AOPEP: variants seen among roughly 807,000 people sequenced by gnomAD.
The protein encoded by AOPEP is aminopeptidase O (putative).
AOPEP carries 77 observed loss-of-function variants against 98.1 expected under a neutral mutation model. The ratio of observed to expected loss-of-function variants is 0.78; its 90% confidence interval spans 0.65 to 0.95. The LOEUF is 0.95. AOPEP is among the 40% of genes least tolerant of loss of function. AOPEP has a pLI of 0.00. For synonymous variants in AOPEP, 346 were observed against 365.3 expected (o/e 0.95, Z 0.60); for missense variants, 1,024 against 1,024.7 (o/e 1.00, Z 0.01).
intron 13 of AOPEP, 56 bp downstream of exon 13, chr9:95,005,672 C>T (rs1589237612): frequency 2.9e-6 from 4 of 1,381,318 alleles, no homozygotes; most frequent in East Asian, 2.3e-5. Flanking sequence ...GCTTCTGCCC[C>T]GTGAGGACCT....
At chr9:95,111,706 CT>C in the AOPEP span, 1 of 1,590,828 alleles carries the variant, frequency 6.3e-7, no homozygotes, top group Non-Finnish European at 8.6e-7. Flanking sequence ...TTTAAAGCAA[CT>C]TTAACGTTTG....
In AOPEP at chr9:94,733,015, A is replaced by G. The variant is rs933924556; in HGVS notation, c.-136+6264A>G. 2.0e-5 allele frequency among the ~76,000 whole-genome samples: 3 copies of G among 152,080 alleles called. 1 individual carries two copies. Among genetic ancestry groups the G allele is most frequent in the Admixed American group, 1.3e-4 (2 of 15,258 alleles). On this transcript the variant is annotated intron_variant, in intron 1 of 16. Transcript: ENST00000375315. ...AACAAATTTTTTTTTGTTTTGGAAC[A>G]TGGCATAACATCTTTTCTAATAAGA...
chr9:94,857,153 A>G (rs2044321813), intron 5 of AOPEP, among the ~76,000 whole-genome samples: 1 of 152,322 alleles, frequency 6.6e-6, no homozygotes, highest in African/African-American at 2.4e-5. Context: ...TTACATGGAA[A>G]TATCCTCACC....
chr9:95,149,810 G>A, the AOPEP span: 2 of 1,181,602 alleles, frequency 1.7e-6, no homozygotes, highest in Admixed American at 2.0e-5. Context: ...GAGTATAAAG[G>A]GTACTGAGAC....
the AOPEP span, among the ~76,000 whole-genome samples, chr9:95,092,682 G>T: frequency 6.6e-6 from 1 of 152,178 alleles, no homozygotes; most frequent in Non-Finnish European, 1.5e-5. Flanking sequence ...GGTGTGGGTG[G>T]GGTGCTGAAG....
chr9:95,050,650 G>T (rs1485992826), intron 13 of AOPEP, among the ~76,000 whole-genome samples: 2 of 152,186 alleles, frequency 1.3e-5, no homozygotes, highest in African/African-American at 4.8e-5. Flanking sequence ...CTTAGTTGTG[G>T]TCGGCTCTCC....
chr9:95,150,215 T>C, the AOPEP span: 3 of 833,106 alleles, frequency 3.6e-6, no homozygotes, highest in South Asian at 4.6e-5. Context: ...AGAGAATGAC[T>C]CTAACACCAT....
chr9:95,037,944 C>T (rs1248502800), intron 13 of AOPEP, among the ~76,000 whole-genome samples: 3 of 152,096 alleles, frequency 2.0e-5, no homozygotes, highest in Non-Finnish European at 2.9e-5. Context: ...ACCTCAGGCA[C>T]GTATGAGATG....
At chr9:94,839,469 C>T (rs2042036742) in intron 5 of AOPEP, among the ~76,000 whole-genome samples, 1 of 152,064 alleles carries the variant, frequency 6.6e-6, no homozygotes, top group Non-Finnish European at 1.5e-5. Context: ...ATGATCTGCC[C>T]ATCTCAGCCT....
chr9:94,983,069 C>T (rs2060294166), intron 11 of AOPEP, among the ~76,000 whole-genome samples: 1 of 152,008 alleles, frequency 6.6e-6, no homozygotes, highest in Admixed American at 6.6e-5. Context: ...GCTTTGTCAC[C>T]CAGGCTGGAG....
the AOPEP span, among the ~76,000 whole-genome samples, chr9:95,136,580 A>T: frequency 2.6e-5 from 4 of 152,008 alleles, no homozygotes; most frequent in Non-Finnish European, 5.9e-5. Context: ...TCAAACTCCT[A>T]GGCTCATGTG....
intron 1 of AOPEP, among the ~76,000 whole-genome samples, chr9:94,736,502 A>G (rs12344537): frequency 0.22 from 33,123 of 152,020 alleles, 5,090 homozygotes; most frequent in African/African-American, 0.43. Context: ...ACCGAACCCT[A>G]TAACCCAACT....
chr9:94,848,916 A>G (rs2043190797), intron 5 of AOPEP, among the ~76,000 whole-genome samples: 1 of 152,148 alleles, frequency 6.6e-6, no homozygotes. Flanking sequence ...AGCTGGGATT[A>G]CAGGCATGCA....
intron 5 of AOPEP, among the ~76,000 whole-genome samples, chr9:94,895,219 T>TAATAAAAAAA (rs1204411552): frequency 3.1e-4 from 19 of 60,670 alleles, no homozygotes; most frequent in South Asian, 2.8e-3. Flanking sequence ...TCATCTCTAC[T>TAATAAAAAAA]AAAAAAAAAT....
At chr9:95,101,237 A>AAGAC in the AOPEP span, 1 of 282,580 alleles carries the variant, frequency 3.5e-6, no homozygotes, top group African/African-American at 2.1e-5. Flanking sequence ...TCCATACAGC[A>AAGAC]AGACAGTGTG....
chr9:95,042,537 A>G (rs1361875395), intron 13 of AOPEP, among the ~76,000 whole-genome samples: 7 of 152,178 alleles, frequency 4.6e-5, no homozygotes, highest in Admixed American at 4.6e-4. Flanking sequence ...GGAGGTCAGA[A>G]GTCCAACATC....
At chr9:95,005,430 A>G in intron 12 of AOPEP, 112 bp from the exon 13 acceptor site, 1 of 1,129,492 alleles carries the variant, frequency 8.9e-7, no homozygotes, top group Non-Finnish European at 1.3e-6. Context: ...TGGCCTCCCG[A>G]GGTGCGGGGA....
At chr9:95,102,887 C>A in the AOPEP span, among the ~76,000 whole-genome samples, 1 of 152,230 alleles carries the variant, frequency 6.6e-6, no homozygotes, top group Admixed American at 6.5e-5. Flanking sequence ...CCTGGCAGCA[C>A]ACAGGGCCTG....
the AOPEP span, among the ~76,000 whole-genome samples, chr9:95,093,287 A>C: frequency 2.0e-5 from 3 of 152,236 alleles, no homozygotes; most frequent in Admixed American, 6.5e-5. Context: ...GTCATGGCCC[A>C]ACAAATGTCA....
Sources: gnomAD v4.1 joint callset for allele counts (sites outside exome capture counted in the v4.1 genomes callset) on GRCh38, gnomAD v4.1.1 for gene constraint, MANE v1.5 for transcripts, NCBI Gene and HGNC (gene_info 2026-07-23, HGNC 2026-07-21) for gene names.